Variants in MAF observed in about 807,000 individuals in gnomAD.
MAF encodes the protein MAF bZIP transcription factor.
A neutral mutation model predicts 22.0 loss-of-function variants in MAF; 10 were observed. That is an observed-to-expected ratio of 0.45 (90% CI 0.28 to 0.77). The LOEUF (loss-of-function observed/expected upper bound fraction) is 0.77. Among genes scored for constraint, MAF ranks in the 30% least tolerant of loss-of-function variants. MAF has a pLI of 0.12. For missense variants in MAF, 544 were observed against 548.4 expected, an observed-to-expected ratio of 0.99 and a Z score of 0.08; for synonymous variants, 337 against 255.8, an observed-to-expected ratio of 1.32 and a Z score of -3.03.
the MAF span, among the ~76,000 whole-genome samples, chr16:79,525,532 G>A: frequency 6.6e-6 from 1 of 152,128 alleles, no homozygotes; most frequent in African/African-American, 2.4e-5. Context: ...ATTATTCTAG[G>A]AGAGAGAGGA....
chr16:79,342,351 T>G, the MAF span, among the ~76,000 whole-genome samples: 1 of 152,200 alleles, frequency 6.6e-6, no homozygotes, highest in Non-Finnish European at 1.5e-5. Flanking sequence ...CTTCACAGTG[T>G]TGCATAAGTA....
At chr16:79,357,731 A>G in the MAF span, among the ~76,000 whole-genome samples, 16 of 151,616 alleles carry the variant, frequency 1.1e-4, no homozygotes, top group South Asian at 6.3e-4. Flanking sequence ...GTGACTACTC[A>G]GGGAATAGCA....
chr16:79,244,931 A>C, the MAF span, among the ~76,000 whole-genome samples: 1 of 152,068 alleles, frequency 6.6e-6, no homozygotes, highest in Non-Finnish European at 1.5e-5. Flanking sequence ...CAACCATCTG[A>C]TCTTTTACAA....
chr16:79,527,664 T>A, the MAF span, among the ~76,000 whole-genome samples: 1 of 152,088 alleles, frequency 6.6e-6, no homozygotes, highest in African/African-American at 2.4e-5. Context: ...CACCTTACAA[T>A]CATAAAACCA....
chr16:79,281,704 G>A, the MAF span, among the ~76,000 whole-genome samples: 5 of 151,836 alleles, frequency 3.3e-5, no homozygotes, highest in Admixed American at 2.0e-4. Context: ...GCACCACCAC[G>A]CCTAGCTAAT....
the MAF span, among the ~76,000 whole-genome samples, chr16:79,459,631 G>A: frequency 6.6e-6 from 1 of 151,676 alleles, no homozygotes; most frequent in East Asian, 1.9e-4. Flanking sequence ...AGAAGGCAGT[G>A]GTGTGATCAT....
chr16:79,252,539 G>A, the MAF span, among the ~76,000 whole-genome samples: 1 of 152,018 alleles, frequency 6.6e-6, no homozygotes, highest in Admixed American at 6.6e-5. Flanking sequence ...ACCCAAGCTG[G>A]AGTGCAGTAG....
At chr16:79,245,817 T>C in the MAF span, among the ~76,000 whole-genome samples, 454 of 152,110 alleles carry the variant, frequency 3.0e-3, 11 homozygotes, top group Admixed American at 0.023. Context: ...CAAATGCCCA[T>C]CAGTGATAGA....
the MAF span, among the ~76,000 whole-genome samples, chr16:79,454,664 A>G: frequency 1.3e-5 from 2 of 152,190 alleles, no homozygotes; most frequent in African/African-American, 4.8e-5. Context: ...CCAGATCCCT[A>G]CACACCTGTT....
At chr16:79,455,050 C>T in the MAF span, among the ~76,000 whole-genome samples, 5 of 151,272 alleles carry the variant, frequency 3.3e-5, no homozygotes, top group African/African-American at 4.9e-5. Flanking sequence ...GAGCCGAGAT[C>T]GCACCATTGC....
chr16:79,569,150 C>A, the MAF span, among the ~76,000 whole-genome samples: 1 of 152,190 alleles, frequency 6.6e-6, no homozygotes. Flanking sequence ...GAGTTTAAAC[C>A]AGAGTTTCTC....
At chr16:79,362,824 G>C in the MAF span, among the ~76,000 whole-genome samples, 1 of 152,202 alleles carries the variant, frequency 6.6e-6, no homozygotes, top group Non-Finnish European at 1.5e-5. Flanking sequence ...CTCAAAGCAA[G>C]TGCTTTGCTC....
the MAF span, among the ~76,000 whole-genome samples, chr16:79,215,461 G>A: frequency 6.6e-6 from 1 of 152,156 alleles, no homozygotes; most frequent in Non-Finnish European, 1.5e-5. Context: ...GTAAAGCCAC[G>A]AGAAAGAAGA....
the MAF span, among the ~76,000 whole-genome samples, chr16:79,342,251 C>A: frequency 6.6e-6 from 1 of 152,204 alleles, no homozygotes; most frequent in African/African-American, 2.4e-5. Flanking sequence ...CACTTTCTTT[C>A]TATCTTGAAT....
chr16:79,405,237 C>A, the MAF span, among the ~76,000 whole-genome samples: 4 of 152,176 alleles, frequency 2.6e-5, no homozygotes, highest in Non-Finnish European at 5.9e-5. Context: ...AGATACTACC[C>A]TTTGAGGTGT....
the MAF span, among the ~76,000 whole-genome samples, chr16:79,262,736 T>A: frequency 6.6e-6 from 1 of 152,168 alleles, no homozygotes; most frequent in Non-Finnish European, 1.5e-5. Flanking sequence ...AGTCAATGCT[T>A]GCACCATCCA....
At chr16:79,211,545 A>G in the MAF span, 60 of 1,609,178 alleles carry the variant, frequency 3.7e-5, no homozygotes, top group East Asian at 1.3e-3. Context: ...GGCAGTCGAA[A>G]TGACGCCATC....
the MAF span, among the ~76,000 whole-genome samples, chr16:79,334,412 C>G: frequency 1.3e-5 from 2 of 152,186 alleles, no homozygotes; most frequent in South Asian, 4.1e-4. Context: ...GAAGTCAGAA[C>G]AGCGGTCACC....
chr16:79,208,208 G>A, the MAF span, among the ~76,000 whole-genome samples: 3 of 152,112 alleles, frequency 2.0e-5, no homozygotes, highest in Non-Finnish European at 4.4e-5. Flanking sequence ...TGACTAGATC[G>A]GAAATGGCAT....
Sources: gnomAD v4.1 joint callset for allele counts (sites outside exome capture counted in the v4.1 genomes callset) on GRCh38, gnomAD v4.1.1 for gene constraint, MANE v1.5 for transcripts, NCBI Gene and HGNC (gene_info 2026-07-23, HGNC 2026-07-21) for gene names.